TTF1: variants seen among roughly 807,000 people sequenced by gnomAD.
TTF1 encodes the protein transcription termination factor, RNA polymerase I.
Under a neutral mutation model 80.2 loss-of-function variants are expected in TTF1, and 64 were observed. The observed-to-expected ratio is 0.80, with a 90% CI of 0.65 to 0.98. The LOEUF (loss-of-function observed/expected upper bound fraction) is 0.98. Ranked by LOEUF, TTF1 falls within the 50% of genes least tolerant of loss-of-function variation. The pLI, the probability that TTF1 is intolerant of heterozygous loss-of-function variation, is 0.00. For missense variants in TTF1, 1,023 were observed against 1,086.2 expected (o/e 0.94, Z 0.82); for synonymous variants, 372 against 382.7 (o/e 0.97, Z 0.33).
At chr9:132,380,101 G>A (rs916078576) in intron 9 of TTF1, among the ~76,000 whole-genome samples, 1 of 151,328 alleles carries the variant, frequency 6.6e-6, no homozygotes, top group African/African-American at 2.4e-5. Context: ...ATGGAGTCTC[G>A]CTCTGTCACC....
Position 132,388,152 on chromosome 9 carries a change from T to A in TTF1, c.2299A>T (p.Ser767Cys), listed in dbSNP as rs753485595. ...TATTTTTCATACCTTTCAATAAGGC[T>A]GACCTTGGCCCGCAGGGCATTCATG... ...YGMNALRAKV[S>C]LIERLYEINV... The change falls in exon 8 of 11, where the codon AGC becomes TGC. Residue 767 changes from serine (S) to cysteine (C), a missense_variant. Coordinates refer to ENST00000334270, the MANE Select transcript of TTF1 (RefSeq NM_007344.4). 1 of 1,611,508 alleles carries A rather than the reference T, an allele frequency of 6.2e-7. No homozygotes were observed. Among genetic ancestry groups the A allele is most frequent in the Non-Finnish European group, 8.5e-7 (1 of 1,178,294 alleles).
chr9:132,390,515 C>A (rs560156297), intron 7 of TTF1, 82 bp downstream of exon 7: 2 of 1,358,086 alleles, frequency 1.5e-6, no homozygotes, highest in South Asian at 1.3e-5. Context: ...AGCTTCCCCA[C>A]GGCAGTTACA....
chr9:132,390,913 G>C, intron 6 of TTF1, 82 bp from the exon 7 acceptor site: 1 of 1,296,018 alleles, frequency 7.7e-7, no homozygotes, highest in Non-Finnish European at 1.1e-6. Flanking sequence ...GATAAATCGG[G>C]TACTTTTCAG....
At chr9:132,377,420 GCA>G (rs1849220672) in intron 10 of TTF1, among the ~76,000 whole-genome samples, 1 of 98,882 alleles carries the variant, frequency 1.0e-5, no homozygotes, top group Non-Finnish European at 2.1e-5. Flanking sequence ...GTGTGTGAGT[GCA>G]TGCATGTGGT....
In TTF1 at chr9:132,402,115, ATGGCCAGTGTCTCATATTCCCGGTTAC is replaced by A; in HGVS notation, c.680_706del (p.Ser227_Ala235del). 6.2e-7 allele frequency: 1 copy of A among 1,614,018 alleles called. No homozygotes were observed. Among genetic ancestry groups the A allele is most frequent in the Non-Finnish European group, 8.5e-7 (1 of 1,180,014 alleles). On this transcript the variant is annotated inframe_deletion, in exon 2 of 11. Transcript: ENST00000334270. ...TCTGCCTGCTTGCGATCCTTCAGGCATGGCCAGTGTCTCATATTCCCGGTTACTGGACTTTTTCTTTTTTTTCTTAGA... is the reference window on the plus strand; with the variant it reads ...TCTGCCTGCTTGCGATCCTTCAGGCATGGACTTTTTCTTTTTTTTCTTAGA...
intron 8 of TTF1, among the ~76,000 whole-genome samples, chr9:132,387,741 A>T (rs1165219259): frequency 6.6e-6 from 1 of 152,198 alleles, no homozygotes; most frequent in Non-Finnish European, 1.5e-5. Context: ...AAAACCAAAG[A>T]CAAGCAAGGG....
chr9:132,401,629 T>C lies in TTF1; in HGVS notation c.1193A>G (p.Lys398Arg). ...ATCATCACCAGACACTCGTGCCCTT[T>C]TGACAGACGTAAGCTTCCTTTTCTT... ...KSKKRKLTSV[K>R]RARVSGDDFS... The change falls in exon 2 of 11, where the codon AAA becomes AGA. Residue 398 changes from lysine to arginine, a missense_variant. Transcript: ENST00000334270. 1 of 1,614,218 alleles carries C rather than the reference T, an allele frequency of 6.2e-7. No individual in the cohort carries two copies. The highest frequency in any genetic ancestry group is 2.2e-5 in the East Asian group (1 of 44,886).
Position 132,390,415 on chromosome 9 carries a change from C to T in TTF1, c.2222+182G>A, listed in dbSNP as rs1849538977. Among the ~76,000 whole-genome samples the T allele has an allele frequency of 1.3e-5, 2 of 152,172 alleles. 1 individual carries two copies. Among genetic ancestry groups the T allele is most frequent in the Non-Finnish European group, 2.9e-5 (2 of 68,018 alleles). On this transcript the variant is annotated intron_variant, in intron 7 of 10. Transcript: ENST00000334270. ...GGAGAAAAGCATACACTCTTCAATG[C>T]ATCAGGGCTAGTTACGTGCTCATTT...
chr9:132,378,186 G>GC (rs1466590380), intron 10 of TTF1, among the ~76,000 whole-genome samples: 25 of 137,040 alleles, frequency 1.8e-4, no homozygotes, highest in African/African-American at 6.7e-4. Flanking sequence ...GAATGCATGT[G>GC]GTGTGAGTGC....
At chr9:132,391,769 C>T (rs1471226592) in intron 6 of TTF1, among the ~76,000 whole-genome samples, 3 of 152,328 alleles carry the variant, frequency 2.0e-5, no homozygotes, top group South Asian at 4.1e-4. Context: ...CGTGCCACTG[C>T]GGGGAAGTGA....
intron 3 of TTF1, among the ~76,000 whole-genome samples, chr9:132,399,288 T>C (rs1849715819): frequency 6.6e-6 from 1 of 151,790 alleles, no homozygotes; most frequent in South Asian, 2.1e-4. Flanking sequence ...TGGGATTCTA[T>C]ACCACTCTAT....
Position 132,395,124 on chromosome 9 carries a change from G to A in TTF1, c.1856+1309C>T, listed in dbSNP as rs193028652. On this transcript the variant is annotated intron_variant, in intron 5 of 10. Transcript: ENST00000334270. ...GGAGAATTGCTTGAACCTGGGAGGC[G>A]GAGGTTGCAGTGAGCCAAGATTGCG... Among the ~76,000 whole-genome samples, 481 of 152,132 alleles carry A rather than the reference G, an allele frequency of 3.2e-3. 4 individuals carry two copies. The highest frequency in any genetic ancestry group is 0.011 in the African/African-American group (466 of 41,504).
intron 7 of TTF1, among the ~76,000 whole-genome samples, chr9:132,389,189 T>C (rs1422183052): frequency 6.6e-6 from 1 of 151,268 alleles, no homozygotes; most frequent in East Asian, 1.9e-4. Flanking sequence ...TTCCTTTTTT[T>C]TTTTTTTTTT....
intron 10 of TTF1, among the ~76,000 whole-genome samples, chr9:132,377,223 G>GTGCA (rs1488760935): frequency 1.4e-5 from 2 of 146,054 alleles, no homozygotes; most frequent in East Asian, 2.1e-4. Flanking sequence ...TGTGGTGTGA[G>GTGCA]TGCATGTGGT....
chr9:132,398,657 T>C (rs554689524), intron 3 of TTF1, among the ~76,000 whole-genome samples: 1 of 152,236 alleles, frequency 6.6e-6, no homozygotes, highest in African/African-American at 2.4e-5. Context: ...TGCAGTGGCA[T>C]GATCAAAGTC....
At chr9:132,377,621 G>A (rs1849236809) in intron 10 of TTF1, among the ~76,000 whole-genome samples, 1 of 140,258 alleles carries the variant, frequency 7.1e-6, no homozygotes, top group Non-Finnish European at 1.5e-5. Context: ...TGCATGTGGT[G>A]TGAGTGCATG....
At chr9:132,387,098 T>C (rs1849481916) in intron 8 of TTF1, among the ~76,000 whole-genome samples, 2 of 152,158 alleles carry the variant, frequency 1.3e-5, no homozygotes, top group South Asian at 4.1e-4. Context: ...GCTGGAACCA[T>C]AAGCACGTGG....
rs375220152 is a variant in TTF1 at position 132,396,405 on chromosome 9, T to A, written c.1856+28A>T. ...ATCAGCAAAGACTAGAGAAATGTTG[T>A]CTCAAGCTGCTAAGACTTTTTTCTT... On this transcript the variant is annotated intron_variant, in intron 5 of 10. Transcript: ENST00000334270. 23 of 1,604,534 alleles carry A rather than the reference T, an allele frequency of 1.4e-5. No homozygotes were observed. The East Asian group carries it at 2.5e-4, about 17-fold the overall frequency.
chr9:132,404,520 T>C (rs567595963), intron 1 of TTF1, among the ~76,000 whole-genome samples: 70 of 152,050 alleles, frequency 4.6e-4, no homozygotes, highest in African/African-American at 1.7e-3. Context: ...GGTCTCTCCG[T>C]ATCTTCTCTC....
Sources: gnomAD v4.1 joint callset for allele counts (sites outside exome capture counted in the v4.1 genomes callset) on GRCh38, gnomAD v4.1.1 for gene constraint, MANE v1.5 for transcripts, NCBI Gene and HGNC (gene_info 2026-07-23, HGNC 2026-07-21) for gene names.